VPS26C: variants seen among roughly 807,000 people sequenced by gnomAD.
VPS26C encodes vacuolar protein sorting-associated protein 26C.
In VPS26C, 19 loss-of-function variants were observed where a neutral mutation model predicts 30.6. The ratio of observed to expected loss-of-function variants is 0.62; its 90% CI spans 0.43 to 0.91. The LOEUF is 0.91. Among genes scored for constraint, VPS26C ranks in the 40% least tolerant of loss-of-function variants. The probability of loss-of-function intolerance (pLI) is 0.00; values close to 1 mark genes in which losing one functional copy is unlikely to be tolerated. For missense variants in VPS26C, 318 were observed against 385.1 expected (o/e 0.83, Z 1.46); for synonymous variants, 132 against 151.5 (o/e 0.87, Z 0.95).
At chr21:37,261,936 A>C (rs1463073558) in intron 1 of VPS26C, 1 of 152,122 alleles carries the variant, frequency 6.6e-6, no homozygotes, top group Non-Finnish European at 1.5e-5. Context: ...TAATTCACTC[A>C]CCTATTAAAA....
intron 1 of VPS26C, among the ~76,000 whole-genome samples, chr21:37,266,388 C>A (rs1602294196): frequency 6.6e-6 from 1 of 152,272 alleles, no homozygotes; most frequent in East Asian, 1.9e-4. Context: ...CCAACCACTG[C>A]GATCAATTTT....
At chr21:37,260,553 C>T (rs2086293713) in intron 1 of VPS26C, among the ~76,000 whole-genome samples, 1 of 152,006 alleles carries the variant, frequency 6.6e-6, no homozygotes, top group African/African-American at 2.4e-5. Flanking sequence ...AGTTTTCTAC[C>T]CAAGTGGAAG....
At chr21:37,265,107 T>G (rs1424888769) in intron 1 of VPS26C, among the ~76,000 whole-genome samples, 1 of 152,142 alleles carries the variant, frequency 6.6e-6, no homozygotes, top group Admixed American at 6.5e-5. Flanking sequence ...CAAAGTCAAT[T>G]TGTGACTGCC....
chr21:37,263,196 G>A (rs1602291324), intron 1 of VPS26C, among the ~76,000 whole-genome samples: 2 of 152,054 alleles, frequency 1.3e-5, no homozygotes, highest in East Asian at 3.9e-4. Flanking sequence ...AGGTTTCTCT[G>A]GTGTCCACAG....
chr21:37,249,483 A>G (rs1427430561), intron 1 of VPS26C, among the ~76,000 whole-genome samples: 1 of 152,248 alleles, frequency 6.6e-6, no homozygotes, highest in Non-Finnish European at 1.5e-5. Flanking sequence ...TTAAAATATT[A>G]TAAGTCAATT....
chr21:37,242,635 C>T (rs2086099185), intron 1 of VPS26C, among the ~76,000 whole-genome samples: 1 of 152,096 alleles, frequency 6.6e-6, no homozygotes, highest in African/African-American at 2.4e-5. Flanking sequence ...TTAAAGTTTA[C>T]TTGACGAATA....
intron 1 of VPS26C, chr21:37,266,880 C>T (rs543461000): frequency 4.1e-5 from 15 of 369,636 alleles, no homozygotes; most frequent in Admixed American, 1.9e-4. Flanking sequence ...GTTTGGTCGT[C>T]AACTCCTCCG....
intron 1 of VPS26C, among the ~76,000 whole-genome samples, chr21:37,252,928 T>A (rs559643973): frequency 6.6e-6 from 1 of 152,222 alleles, no homozygotes; most frequent in African/African-American, 2.4e-5. Context: ...CAGGGGAATT[T>A]GGGGGGTGTC....
chr21:37,238,286 A>G, intron 3 of VPS26C, 174 bp downstream of exon 3: 1 of 713,194 alleles, frequency 1.4e-6, no homozygotes. Context: ...ACGGCCATAC[A>G]TCAAATGCAT....
At chr21:37,256,887 G>A (rs921340689) in intron 1 of VPS26C, among the ~76,000 whole-genome samples, 2 of 152,190 alleles carry the variant, frequency 1.3e-5, no homozygotes, top group African/African-American at 4.8e-5. Context: ...AGTTGGGCAT[G>A]GTGGTTGGGA....
At chr21:37,267,385 C>T (rs2148316653), upstream of VPS26C, 1 of 1,154,896 alleles carries the variant, frequency 8.7e-7, no homozygotes, top group South Asian at 1.3e-5. Flanking sequence ...GGCCCCGCCC[C>T]TTTCCCTCTC....
At chr21:37,247,203 G>A (rs915749819) in intron 1 of VPS26C, among the ~76,000 whole-genome samples, 3 of 152,194 alleles carry the variant, frequency 2.0e-5, no homozygotes, top group Admixed American at 6.5e-5. Flanking sequence ...CAGATAAGAA[G>A]TACATTCACA....
chr21:37,265,235 C>T (rs999708435), intron 1 of VPS26C, among the ~76,000 whole-genome samples: 3 of 152,114 alleles, frequency 2.0e-5, no homozygotes, highest in Admixed American at 6.5e-5. Flanking sequence ...TGCAAATACA[C>T]TAAAAAACTA....
chr21:37,267,156 G>T, intron 1 of VPS26C, 82 bp downstream of exon 1: 2 of 1,250,934 alleles, frequency 1.6e-6, no homozygotes, highest in South Asian at 1.3e-5. Context: ...AGGGACGCGG[G>T]ACGTGCGCAG....
Position 37,233,516 on chromosome 21 carries a change from GAC to G in VPS26C, c.352-76_352-75del. On this transcript the variant is annotated intron_variant, in intron 3 of 7. Transcript: ENST00000309117. The surrounding 1 kb of genome is among the most constrained non-coding windows in gnomAD (Gnocchi z 5.2). ...TTCATCTTGGAATTATATTCAAAGA[GAC>G]AAGTCAGTCAACATATTTTAGGGAA... 1 of 1,073,898 alleles carries G rather than the reference GAC, an allele frequency of 9.3e-7. No homozygotes were observed. The highest frequency in any genetic ancestry group is 1.4e-6 in the Non-Finnish European group (1 of 692,500). 66.5% of individuals were successfully genotyped at this position (1,073,898 alleles called of 1,614,324 possible).
At chr21:37,249,534 AAC>A (rs941004537) in intron 1 of VPS26C, among the ~76,000 whole-genome samples, 1 of 152,240 alleles carries the variant, frequency 6.6e-6, no homozygotes, top group African/African-American at 2.4e-5. Flanking sequence ...CAAAACTTAA[AAC>A]ATGCCTGAAA....
At chr21:37,264,655 G>A (rs1047673178) in intron 1 of VPS26C, among the ~76,000 whole-genome samples, 7 of 152,128 alleles carry the variant, frequency 4.6e-5, no homozygotes, top group South Asian at 2.1e-4. Flanking sequence ...GAAAAGTTAC[G>A]AGAATACAAA....
chr21:37,259,109 A>C (rs2086277889), intron 1 of VPS26C, among the ~76,000 whole-genome samples: 1 of 152,158 alleles, frequency 6.6e-6, no homozygotes, highest in Non-Finnish European at 1.5e-5. Context: ...TCAGAGATTT[A>C]AATTTTTATA....
In VPS26C at chr21:37,224,694, G is replaced by GAACT. The variant is rs1159116431; in HGVS notation, c.*846_*849dup. On this transcript the variant is annotated 3_prime_UTR_variant, in exon 8 of 8. Coordinates refer to ENST00000309117, the MANE Select transcript of VPS26C (RefSeq NM_006052.2). ...GTTATAATGAAAAATGTTGTAAAAA[G>GAACT]AACTACAGAGGCTGGGTGTGGTGGC... is the stretch of plus-strand genomic sequence containing the variant. 6.6e-6 allele frequency: 1 copy of GAACT among 151,588 alleles called. No homozygotes were observed. The highest frequency in any genetic ancestry group is 2.4e-5 in the African/African-American group (1 of 41,250). The allele number at this position is 151,588 out of a possible 1,614,324, so 9.4% of individuals were successfully genotyped here.
Sources: gnomAD v4.1 joint callset for allele counts (sites outside exome capture counted in the v4.1 genomes callset) on GRCh38, gnomAD v4.1.1 for gene constraint, Gnocchi (gnomAD v3.1) non-coding constraint, MANE v1.5 for transcripts, NCBI Gene and HGNC (gene_info 2026-07-23, HGNC 2026-07-21) for gene names.